Variants in FAT1 observed in about 807,000 individuals in gnomAD.
The protein encoded by FAT1 is protocadherin Fat 1.
In FAT1, 171 loss-of-function variants were observed where a neutral mutation model predicts 329.8. That is an observed-to-expected ratio of 0.52 (90% confidence interval 0.46 to 0.59). The LOEUF is 0.59. FAT1 is among the 20% of genes least tolerant of loss of function. The pLI is 0.00. For missense variants in FAT1, 5,672 were observed against 5,774.4 expected, an observed-to-expected ratio of 0.98 and a Z score of 0.57; for synonymous variants, 2,233 against 2,228.6, an observed-to-expected ratio of 1.00 and a Z score of -0.06.
chr4:186,664,348 A>G (rs1250826481), intron 2 of FAT1, among the ~76,000 whole-genome samples: 1 of 152,174 alleles, frequency 6.6e-6, no homozygotes, highest in Non-Finnish European at 1.5e-5. Flanking sequence ...CTACACTATA[A>G]ACTCCAAAAG....
intron 3 of FAT1, among the ~76,000 whole-genome samples, chr4:186,643,574 A>C (rs1399567112): frequency 1.3e-5 from 2 of 152,248 alleles, no homozygotes; most frequent in East Asian, 3.9e-4. Flanking sequence ...TACAAAATGA[A>C]AACAGAATTT....
chr4:186,669,975 G>A (rs1742657260), intron 2 of FAT1, among the ~76,000 whole-genome samples: 1 of 152,216 alleles, frequency 6.6e-6, no homozygotes, highest in South Asian at 2.1e-4. Context: ...CCCTCCCGCT[G>A]ACACAGGTGG....
At chr4:186,609,749 C>T (rs1269949253) in intron 15 of FAT1, 52 bp downstream of exon 15, 16 of 1,307,074 alleles carry the variant, frequency 1.2e-5, no homozygotes, top group Non-Finnish European at 1.8e-5. Context: ...AAAACTTTTG[C>T]AAAGATCCAG....
chr4:186,618,389 C>T lies in FAT1; in HGVS notation c.8197G>A (p.Val2733Ile), dbSNP rs781704782. 4 of 1,614,044 alleles carry T rather than the reference C, an allele frequency of 2.5e-6. No homozygotes were observed. The highest frequency in any genetic ancestry group is 1.1e-5 in the South Asian group (1 of 91,090). Residue 2733 changes from valine (V) to isoleucine (I), a missense_variant, in exon 10 of 27, where the codon GTT (valine) becomes ATT (isoleucine). This residue lies in a region of FAT1 where 3,966 missense variants were observed against 3,915.2 expected (regional missense o/e 1.01). Transcript: ENST00000441802. ...DLIRAEHSGT[V>I]LYSLVKGNTP... ...TTCCCTTTGACCAGGCTGTAAAGAA[C>T]AGTCCCACTATGTTCTGCTCGGATG...
Position 186,611,613 on chromosome 4 carries a change from C to A in FAT1, c.9626G>T (p.Arg3209Met). Residue 3209 changes from arginine to methionine, a missense_variant, in exon 14 of 27, where the codon AGG becomes ATG. This residue lies in a region of FAT1 where 1,706 missense variants were observed against 1,859.1 expected (regional missense o/e 0.92). Transcript: ENST00000441802. ...LKAVDQGLPR[R>M]LTATGTVIVS... ...AATCACAGTGCCAGTGGCAGTCAGC[C>A]TCCTTGGCAAGCCTTGATCCACAGC... 3 of 1,613,608 alleles carry A rather than the reference C, an allele frequency of 1.9e-6. No individual in the cohort carries two copies. The highest frequency in any genetic ancestry group is 1.7e-6 in the Non-Finnish European group (2 of 1,179,726).
chr4:186,694,403 T>C (rs1743930125), intron 2 of FAT1, among the ~76,000 whole-genome samples: 1 of 152,210 alleles, frequency 6.6e-6, no homozygotes, highest in African/African-American at 2.4e-5. Flanking sequence ...CTACTGATAA[T>C]TTTCTATTTA....
chr4:186,710,620 A>C (rs1367619485), intron 1 of FAT1, among the ~76,000 whole-genome samples: 1 of 152,190 alleles, frequency 6.6e-6, no homozygotes. Flanking sequence ...AAGTCAGTGA[A>C]GCAAACTTTA....
At chr4:186,682,804 T>C (rs1248361338) in intron 2 of FAT1, among the ~76,000 whole-genome samples, 1 of 152,182 alleles carries the variant, frequency 6.6e-6, no homozygotes, top group Non-Finnish European at 1.5e-5. Context: ...CATCAGTGAC[T>C]ACAAACACCA....
intron 1 of FAT1, among the ~76,000 whole-genome samples, chr4:186,721,291 T>A (rs1459848520): frequency 2.0e-5 from 3 of 152,224 alleles, no homozygotes; most frequent in African/African-American, 7.2e-5. Context: ...AGATTCCTCA[T>A]CAGAATATAT....
intron 16 of FAT1, 150 bp from the exon 17 acceptor site, chr4:186,606,363 T>C: frequency 1.4e-6 from 1 of 705,064 alleles, no homozygotes; most frequent in East Asian, 2.7e-5. Context: ...CCTAATCTCC[T>C]ACAAACGAGT....
At chr4:186,635,617 A>T (rs74941271) in intron 6 of FAT1, among the ~76,000 whole-genome samples, 6,537 of 152,250 alleles carry the variant, frequency 0.043, 314 homozygotes, top group East Asian at 0.18. Flanking sequence ...TAGTTACTTT[A>T]AATGTTCCAA....
In FAT1 at chr4:186,619,220, C is replaced by T. The variant is rs370340394; in HGVS notation, c.7366G>A (p.Ala2456Thr). The T allele has an allele frequency of 2.5e-5, 40 of 1,613,856 alleles. No individual in the cohort carries two copies. Among genetic ancestry groups the T allele is most frequent in the Middle Eastern group, 3.3e-4 (2 of 6,084 alleles). ...IITLSNLHRH[A>T]LKPFYSLNLS... Reference sequence around the variant, plus strand: ...TTAAGACTGTAAAATGGCTTCAGGGCGTGCCGGTGCAGGTTTGAGAGGGTG... The same window carrying T: ...TTAAGACTGTAAAATGGCTTCAGGGTGTGCCGGTGCAGGTTTGAGAGGGTG... Residue 2456 changes from alanine to threonine, a missense_variant, in exon 10 of 27, where the codon GCC (alanine) becomes ACC (threonine). Transcript: ENST00000441802.
intron 3 of FAT1, among the ~76,000 whole-genome samples, chr4:186,644,907 G>A (rs1475286703): frequency 1.3e-5 from 2 of 152,208 alleles, no homozygotes; most frequent in African/African-American, 2.4e-5. Flanking sequence ...GTGGAGATAA[G>A]ACAGTCTTGT....
rs543578964 is a variant in FAT1 at position 186,588,578 on chromosome 4, G to A, written c.*14C>T. On this transcript the variant is annotated 3_prime_UTR_variant, in exon 27 of 27. Transcript: ENST00000441802. ...AGGTTCACTAAAGTCAGGCACTTTG[G>A]GGGGAGTTGAGAGTCAGACTTCCGT... The A allele has an allele frequency of 1.4e-5, 22 of 1,600,428 alleles. No individual in the cohort carries two copies. The highest frequency in any genetic ancestry group is 2.0e-4 in the Middle Eastern group (1 of 5,120).
At chr4:186,693,961 T>A (rs1206699797) in intron 2 of FAT1, among the ~76,000 whole-genome samples, 2 of 151,992 alleles carry the variant, frequency 1.3e-5, no homozygotes, top group Non-Finnish European at 2.9e-5. Flanking sequence ...ATCTCCCCAC[T>A]CTTCACAACA....
Position 186,618,933 on chromosome 4 carries a change from CA to C in FAT1, c.7652del (p.Leu2551TrpfsTer13). On this transcript the variant is annotated frameshift_variant, in exon 10 of 27. Coordinates refer to ENST00000441802, the MANE Select transcript of FAT1 (RefSeq NM_005245.4). LOFTEE classifies it high-confidence loss of function. ...CCGGGGTTTCTCGATCAAGTTTTTC[CA>C]AAGTAAATATCTGTCCTCTCTCATT... ...YINERGQIFT[L>X]EKLDRETPAE... The C allele has an allele frequency of 6.2e-7, 1 of 1,613,912 alleles. No individual in the cohort carries two copies. Among genetic ancestry groups the C allele is most frequent in the South Asian group, 1.1e-5 (1 of 91,078 alleles).
intron 1 of FAT1, among the ~76,000 whole-genome samples, chr4:186,714,663 G>A (rs767680237): frequency 1.3e-5 from 2 of 152,136 alleles, no homozygotes; most frequent in Admixed American, 6.5e-5. Context: ...CAGGGGAGAT[G>A]TCGGCCACTG....
At position 186,588,584 on chromosome 4, in the gene FAT1, G is replaced by A. The variant is rs2126346247; in HGVS notation, c.*8C>T. ...ACTAAAGTCAGGCACTTTGGGGGGA[G>A]TTGAGAGTCAGACTTCCGTGTGCTG... On this transcript the variant is annotated 3_prime_UTR_variant, in exon 27 of 27. Coordinates refer to ENST00000441802, the MANE Select transcript of FAT1 (RefSeq NM_005245.4). 6.2e-7 allele frequency: 1 copy of A among 1,603,520 alleles called. No homozygotes were observed. The highest frequency in any genetic ancestry group is 8.5e-7 in the Non-Finnish European group (1 of 1,174,832).
At chr4:186,651,279 A>G (rs894398951) in intron 3 of FAT1, among the ~76,000 whole-genome samples, 1 of 152,044 alleles carries the variant, frequency 6.6e-6, no homozygotes, top group African/African-American at 2.4e-5. Context: ...ATTCTAGTCT[A>G]CGGATCTGTA....
Sources: allele counts gnomAD v4.1 joint callset (sites outside exome capture counted in the v4.1 genomes callset), GRCh38; gene constraint gnomAD v4.1.1; regional missense constraint gnomAD v4.1.1; transcripts MANE v1.5; gene names NCBI Gene and HGNC (gene_info 2026-07-23, HGNC 2026-07-21).